Variants in RBFOX2 observed in about 807,000 individuals in gnomAD.
RBFOX2 encodes RNA binding fox-1 homolog 2.
A neutral mutation model predicts 49.1 loss-of-function variants in RBFOX2; 10 were observed. That is an observed-to-expected ratio of 0.20 (90% CI 0.13 to 0.35). The LOEUF (loss-of-function observed/expected upper bound fraction) is 0.35. Among genes scored for constraint, RBFOX2 ranks in the 10% least tolerant of loss-of-function variants. RBFOX2 has a pLI of 1.00. For synonymous variants in RBFOX2, 183 were observed against 187.4 expected, an observed-to-expected ratio of 0.98 and a Z score of 0.19; for missense variants, 323 against 486.9, an observed-to-expected ratio of 0.66 and a Z score of 3.17.
At chr22:35,876,449 A>C (rs972147043) in intron 1 of RBFOX2, among the ~76,000 whole-genome samples, 1 of 151,994 alleles carries the variant, frequency 6.6e-6, no homozygotes, top group African/African-American at 2.4e-5. Flanking sequence ...CAAAAAGAGT[A>C]CTGTTTTCCT....
At position 35,754,607 on chromosome 22, in the gene RBFOX2, A is replaced by G. The variant is rs182785403; in HGVS notation, c.887+5281T>C. On this transcript the variant is annotated intron_variant, in intron 9 of 11. Transcript: ENST00000405409. ...ATGTATATGGGAGAATGTACATGCT[A>G]ACATCATATGTAAGTCTGTGTATTT... Among the ~76,000 whole-genome samples, 10 of 152,344 alleles carry G rather than the reference A, an allele frequency of 6.6e-5. No homozygotes were observed. In the East Asian group the frequency reaches 1.7e-3, roughly 26 times the overall value.
chr22:35,996,583 C>T (rs1235218387), intron 1 of RBFOX2: 1 of 123,512 alleles, frequency 8.1e-6, no homozygotes, highest in African/African-American at 3.1e-5. Flanking sequence ...CCAGCCTAGG[C>T]AACAGAGCAA....
chr22:35,826,606 T>C (rs1955796064), intron 1 of RBFOX2, among the ~76,000 whole-genome samples: 1 of 152,048 alleles, frequency 6.6e-6, no homozygotes, highest in African/African-American at 2.4e-5. Flanking sequence ...CTCCTGTTTT[T>C]CAAAAATGCC....
intron 1 of RBFOX2, among the ~76,000 whole-genome samples, chr22:35,862,884 T>C (rs2043255065): frequency 6.6e-6 from 1 of 152,234 alleles, no homozygotes; most frequent in African/African-American, 2.4e-5. Flanking sequence ...TGGCATATAC[T>C]GATTATTAAA....
At chr22:35,861,759 A>G (rs1251602054) in intron 1 of RBFOX2, among the ~76,000 whole-genome samples, 1 of 152,202 alleles carries the variant, frequency 6.6e-6, no homozygotes, top group African/African-American at 2.4e-5. Context: ...CACCTACCAT[A>G]TGATCTATCT....
At chr22:35,775,852 A>AAAAAG (rs1398087326) in intron 4 of RBFOX2, among the ~76,000 whole-genome samples, 1 of 151,168 alleles carries the variant, frequency 6.6e-6, no homozygotes, top group African/African-American at 2.4e-5. Context: ...AAAAAAAAAA[A>AAAAAG]AAAAAAAAAG....
chr22:35,820,238 C>T (rs530551105), intron 1 of RBFOX2, among the ~76,000 whole-genome samples: 2 of 152,140 alleles, frequency 1.3e-5, no homozygotes, highest in African/African-American at 2.4e-5. Flanking sequence ...ATGTACCACT[C>T]GGCAAAGGCA....
intron 9 of RBFOX2, chr22:35,748,214 A>G (rs568160227): frequency 9.8e-4 from 149 of 152,346 alleles, no homozygotes; most frequent in African/African-American, 3.5e-3. Flanking sequence ...CAGTGGTTAT[A>G]CATTATTCCT....
At chr22:35,892,210 A>G (rs2047328411) in intron 1 of RBFOX2, among the ~76,000 whole-genome samples, 1 of 152,224 alleles carries the variant, frequency 6.6e-6, no homozygotes, top group Non-Finnish European at 1.5e-5. Context: ...TCCCTATATG[A>G]CAAATGAAAC....
intron 1 of RBFOX2, among the ~76,000 whole-genome samples, chr22:35,816,540 T>C (rs540491925): frequency 6.6e-6 from 1 of 152,320 alleles, no homozygotes; most frequent in South Asian, 2.1e-4. Context: ...GTTAGGCAAC[T>C]TGTAGGTAAA....
chr22:35,914,288 A>C (rs2050160934), intron 1 of RBFOX2, among the ~76,000 whole-genome samples: 1 of 152,202 alleles, frequency 6.6e-6, no homozygotes, highest in African/African-American at 2.4e-5. Context: ...AATAAAAACA[A>C]ACTGCTTCAG....
intron 1 of RBFOX2, among the ~76,000 whole-genome samples, chr22:35,900,107 G>A (rs916879285): frequency 5.9e-5 from 9 of 152,108 alleles, no homozygotes; most frequent in African/African-American, 1.9e-4. Flanking sequence ...AATAATTCAA[G>A]AGGCTACTTG....
chr22:35,957,600 TTAGA>T (rs1340452863), intron 1 of RBFOX2, among the ~76,000 whole-genome samples: 1 of 152,184 alleles, frequency 6.6e-6, no homozygotes, highest in East Asian at 1.9e-4. Context: ...AACAATTCTG[TTAGA>T]TAGATAACAT....
At chr22:35,741,550 C>T (rs1361914490) in exon 12 of RBFOX2, 1 of 152,560 alleles carries the variant, frequency 6.6e-6, no homozygotes, top group East Asian at 1.9e-4. Flanking sequence ...TTGCAAGAGC[C>T]CCAATTCTCA....
chr22:35,808,316 T>C (rs1048575164), intron 2 of RBFOX2, among the ~76,000 whole-genome samples: 19 of 152,198 alleles, frequency 1.2e-4, no homozygotes, highest in Non-Finnish European at 2.1e-4. Context: ...ATTTCTGAAG[T>C]ATAAAATTAT....
intron 1 of RBFOX2, among the ~76,000 whole-genome samples, chr22:35,882,125 A>C (rs2045986566): frequency 6.6e-6 from 1 of 152,234 alleles, no homozygotes; most frequent in Admixed American, 6.5e-5. Context: ...GAATCAAAAA[A>C]AGAGGTGAAA....
At chr22:35,985,402 C>T (rs2057660123) in intron 1 of RBFOX2, among the ~76,000 whole-genome samples, 1 of 152,080 alleles carries the variant, frequency 6.6e-6, no homozygotes, top group African/African-American at 2.4e-5. Flanking sequence ...GAGTGAAGTG[C>T]ACAGGTAGAG....
intron 1 of RBFOX2, among the ~76,000 whole-genome samples, chr22:35,980,387 G>C (rs2057398506): frequency 6.6e-6 from 1 of 152,166 alleles, no homozygotes; most frequent in Non-Finnish European, 1.5e-5. Context: ...GTTGTGGTGA[G>C]ATTAGAACTA....
At chr22:35,803,178 AC>A (rs1460055011) in intron 2 of RBFOX2, among the ~76,000 whole-genome samples, 1 of 151,898 alleles carries the variant, frequency 6.6e-6, no homozygotes. Context: ...ACACACACAC[AC>A]ATGCCCATCA....
Sources: allele counts gnomAD v4.1 joint callset (sites outside exome capture counted in the v4.1 genomes callset), GRCh38; gene constraint gnomAD v4.1.1; transcripts MANE v1.5; gene names NCBI Gene and HGNC (gene_info 2026-07-23, HGNC 2026-07-21).